The following MYOCD variants were observed in gnomAD, a reference collection of about 807,000 sequenced individuals.
MYOCD encodes myocardin.
A neutral mutation model predicts 96.1 loss-of-function variants in MYOCD; 32 were observed. The observed-to-expected ratio is 0.33, with a 90% confidence interval of 0.25 to 0.45. The LOEUF (loss-of-function observed/expected upper bound fraction) is 0.45, where lower values mean the gene tolerates loss of function less well. MYOCD is among the 20% of genes least tolerant of loss of function. The pLI, the probability that MYOCD is intolerant of heterozygous loss-of-function variation, is 1.00. For missense variants in MYOCD, 1,133 were observed against 1,200.6 expected (o/e 0.94, Z 0.83); for synonymous variants, 469 against 469.0 (o/e 1.00, Z 0.00).
chr17:12,688,956 T>C (rs2030301358), intron 1 of MYOCD, among the ~76,000 whole-genome samples: 1 of 152,206 alleles, frequency 6.6e-6, no homozygotes, highest in Admixed American at 6.5e-5. Context: ...CTAATGTGAA[T>C]TAATTAGTTG....
chr17:12,750,040 G>A (rs1398407659), intron 9 of MYOCD, among the ~76,000 whole-genome samples: 2 of 151,778 alleles, frequency 1.3e-5, no homozygotes, highest in East Asian at 2.0e-4. Context: ...TAGTAGAGAC[G>A]GGGTTTCACC....
chr17:12,736,887 T>C (rs1203707013), intron 6 of MYOCD, among the ~76,000 whole-genome samples: 1 of 152,222 alleles, frequency 6.6e-6, no homozygotes, highest in Non-Finnish European at 1.5e-5. Context: ...CACCTCTTTC[T>C]GTACAAATCT....
At chr17:12,725,668 G>T (rs2031976423) in intron 5 of MYOCD, among the ~76,000 whole-genome samples, 1 of 150,218 alleles carries the variant, frequency 6.7e-6, no homozygotes. Flanking sequence ...TATATTATAT[G>T]TATTATATTA....
intron 1 of MYOCD, among the ~76,000 whole-genome samples, chr17:12,688,372 G>T (rs1048189050): frequency 1.6e-4 from 24 of 152,334 alleles, no homozygotes; most frequent in Admixed American, 6.5e-4. Flanking sequence ...CAGATAGCCA[G>T]ATTCATTGTG....
At chr17:12,742,227 A>G (rs930684849) in intron 7 of MYOCD, among the ~76,000 whole-genome samples, 1 of 152,212 alleles carries the variant, frequency 6.6e-6, no homozygotes, top group African/African-American at 2.4e-5. Flanking sequence ...TAGTAAGCAG[A>G]GAGAAACGGA....
Position 12,763,581 on chromosome 17 carries a change from T to G in MYOCD, c.2898T>G (p.Asp966Glu), listed in dbSNP as rs898197399. The change falls in exon 14 of 14, where the codon GAT (aspartate) becomes GAG (glutamate). Residue 966 changes from aspartate (D) to glutamate (E), a missense_variant. Coordinates refer to ENST00000425538, the MANE Select transcript of MYOCD (RefSeq NM_001146312.3). ...GCAGCCCCAGCATCTTCAACATCGA[T>G]TTCCTGGATGTCACTGATCTCAATT... ...TTSSPSIFNI[D>E]FLDVTDLNLN... 7 of 1,614,012 alleles carry G rather than the reference T, an allele frequency of 4.3e-6. No homozygotes were observed. Among genetic ancestry groups the G allele is most frequent in the African/African-American group, 1.3e-5 (1 of 74,920 alleles).
At chr17:12,740,275 T>C (rs1172141441) in intron 7 of MYOCD, among the ~76,000 whole-genome samples, 1 of 152,246 alleles carries the variant, frequency 6.6e-6, no homozygotes, top group Non-Finnish European at 1.5e-5. Flanking sequence ...ACCCGTCACC[T>C]GAGCAGTGTA....
chr17:12,738,265 C>T lies in MYOCD; in HGVS notation c.592-938C>T, dbSNP rs984261753. Among the ~76,000 whole-genome samples, 15 of 152,254 alleles carry T rather than the reference C, an allele frequency of 9.9e-5. 1 individual carries two copies. The highest frequency in any genetic ancestry group is 3.4e-4 in the African/African-American group (14 of 41,556). On this transcript the variant is annotated intron_variant, in intron 6 of 13. Transcript: ENST00000425538. ...CTTTGGGCCTTTGACAGGTGCCAGG[C>T]AGGGCTCAGGGAAGAACTGCAAAGC...
In MYOCD at chr17:12,737,306, A is replaced by G. The variant is rs183694421; in HGVS notation, c.591+970A>G. On this transcript the variant is annotated intron_variant, in intron 6 of 13. Coordinates refer to ENST00000425538, the MANE Select transcript of MYOCD (RefSeq NM_001146312.3). The stretch of plus-strand genomic sequence containing the variant: ...ATGATTATGAACAACAGTTCCTGCT[A>G]CATATTAAGTGCTCACTCTGGGCCA... Among the ~76,000 whole-genome samples the G allele has an allele frequency of 3.9e-4, 60 of 152,292 alleles. No homozygotes were observed. The East Asian group carries it at 6.4e-3, about 16-fold the overall frequency.
At chr17:12,721,082 T>A (rs1243089037) in intron 4 of MYOCD, among the ~76,000 whole-genome samples, 1 of 151,624 alleles carries the variant, frequency 6.6e-6, no homozygotes, top group Admixed American at 6.6e-5. Context: ...AAGCCTTCAT[T>A]TTTTTTTGCA....
intron 5 of MYOCD, 146 bp from the exon 6 acceptor site, chr17:12,736,015 A>C (rs368436707): frequency 1.4e-5 from 10 of 697,642 alleles, no homozygotes; most frequent in Middle Eastern, 4.3e-4. Context: ...AATAATTTAA[A>C]GTATAGCTTC....
intron 1 of MYOCD, among the ~76,000 whole-genome samples, chr17:12,689,091 C>T (rs1179528248): frequency 6.6e-6 from 1 of 152,142 alleles, no homozygotes. Flanking sequence ...TACCCTTTCC[C>T]TTATCCTTGC....
chr17:12,679,478 T>G (rs1910318682), intron 1 of MYOCD, among the ~76,000 whole-genome samples: 1 of 152,242 alleles, frequency 6.6e-6, no homozygotes, highest in Non-Finnish European at 1.5e-5. Flanking sequence ...TGTTTGGTTG[T>G]TTCAAAACCT....
At chr17:12,756,192 G>A (rs2033006836) in intron 10 of MYOCD, among the ~76,000 whole-genome samples, 1 of 152,140 alleles carries the variant, frequency 6.6e-6, no homozygotes. Flanking sequence ...CGGTTTGAAA[G>A]CGGAAATCCT....
At chr17:12,712,252 T>C (rs2031503884) in intron 2 of MYOCD, among the ~76,000 whole-genome samples, 5 of 152,140 alleles carry the variant, frequency 3.3e-5, no homozygotes, top group Admixed American at 3.3e-4. Context: ...CCGCCCCAAG[T>C]CTCTGGCTCT....
At chr17:12,694,396 C>T (rs565986374) in intron 1 of MYOCD, among the ~76,000 whole-genome samples, 9 of 152,254 alleles carry the variant, frequency 5.9e-5, no homozygotes, top group African/African-American at 1.9e-4. Flanking sequence ...GGGAAGCAGC[C>T]GCAGAGAGGG....
chr17:12,748,285 G>A (rs1358088570), intron 9 of MYOCD, among the ~76,000 whole-genome samples: 2 of 152,042 alleles, frequency 1.3e-5, no homozygotes, highest in Non-Finnish European at 2.9e-5. Context: ...ATATTTTAAG[G>A]TGTGATAATG....
chr17:12,760,788 A>G, intron 13 of MYOCD, 81 bp downstream of exon 13: 2 of 1,132,984 alleles, frequency 1.8e-6, no homozygotes, highest in South Asian at 2.5e-5. Context: ...TACCAAGATC[A>G]GATGCACACT....
At chr17:12,728,223 C>T (rs1430254136) in intron 5 of MYOCD, among the ~76,000 whole-genome samples, 1 of 152,286 alleles carries the variant, frequency 6.6e-6, no homozygotes, top group Middle Eastern at 3.4e-3. Context: ...AGGCTTACTT[C>T]TAGCTTGTTA....
Sources: allele counts gnomAD v4.1 joint callset (sites outside exome capture counted in the v4.1 genomes callset), GRCh38; gene constraint gnomAD v4.1.1; transcripts MANE v1.5; gene names NCBI Gene and HGNC (gene_info 2026-07-23, HGNC 2026-07-21).